CCDC171: variants seen among roughly 807,000 people sequenced by gnomAD.
CCDC171 encodes the protein coiled-coil domain-containing protein 171.
A neutral mutation model predicts 168.2 loss-of-function variants in CCDC171; 177 were observed. That is an observed-to-expected ratio of 1.05 (90% CI 0.93 to 1.19). The LOEUF is 1.19. Ranked by LOEUF, CCDC171 falls within the 50% of genes most tolerant of loss-of-function variation. The pLI, the probability that CCDC171 is intolerant of heterozygous loss-of-function variation, is 0.00. For synonymous variants in CCDC171, 687 were observed against 540.8 expected, an observed-to-expected ratio of 1.27 and a Z score of -3.75; for missense variants, 1,991 against 1,539.0, an observed-to-expected ratio of 1.29 and a Z score of -4.91.
At chr9:15,730,141 G>A (rs941534806) in intron 16 of CCDC171, among the ~76,000 whole-genome samples, 24 of 151,858 alleles carry the variant, frequency 1.6e-4, no homozygotes, top group African/African-American at 5.8e-4. Context: ...CAGTTTTAGT[G>A]TAGGTATTCC....
chr9:15,935,299 G>A (rs1826985794), intron 25 of CCDC171, among the ~76,000 whole-genome samples: 1 of 151,986 alleles, frequency 6.6e-6, no homozygotes, highest in Non-Finnish European at 1.5e-5. Flanking sequence ...GGAAATTTGA[G>A]TTCTAGAGCA....
Position 15,634,522 on chromosome 9 carries a change from T to C in CCDC171, c.822+11109T>C, listed in dbSNP as rs189573248. On this transcript the variant is annotated intron_variant, in intron 7 of 25. Transcript: ENST00000380701. ...TCTGTGTTCAGCTTCTGGTTCAGAT[T>C]TATATTCTTCAGATAATAAACCTTT... 2.9e-3 allele frequency among the ~76,000 whole-genome samples: 441 copies of C among 152,314 alleles called. 2 individuals carry two copies. The highest frequency in any genetic ancestry group is 4.5e-3 in the Non-Finnish European group (308 of 68,038).
chr9:15,769,999 C>G lies in CCDC171; in HGVS notation c.2672-7601C>G, dbSNP rs930077612. 7.3e-4 allele frequency among the ~76,000 whole-genome samples: 111 copies of G among 152,084 alleles called. 1 individual carries two copies. The highest frequency in any genetic ancestry group is 2.4e-3 in the African/African-American group (100 of 41,416). On this transcript the variant is annotated intron_variant, in intron 18 of 25. Transcript: ENST00000380701. ...ATATGTTGACCTAGCCAAAGATGAA[C>G]TCATTGACTTTAGGACAAAAAAACT...
the CCDC171 span, among the ~76,000 whole-genome samples, chr9:16,108,003 A>G: frequency 3.7e-3 from 557 of 152,384 alleles, 2 homozygotes; most frequent in South Asian, 8.1e-3. Context: ...ACTACGCATA[A>G]TAAAAAAATA....
At chr9:15,897,425 G>A (rs183416250) in intron 24 of CCDC171, among the ~76,000 whole-genome samples, 1 of 152,000 alleles carries the variant, frequency 6.6e-6, no homozygotes, top group East Asian at 1.9e-4. Flanking sequence ...ATGGAAGTGT[G>A]GAAGTTATAT....
chr9:15,613,890 C>A (rs1186935591), intron 6 of CCDC171, among the ~76,000 whole-genome samples: 1 of 152,152 alleles, frequency 6.6e-6, no homozygotes, highest in Non-Finnish European at 1.5e-5. Flanking sequence ...TGTGACTTTT[C>A]TGTCTAAATC....
chr9:16,050,865 A>T (rs940991528), intron 1 of CCDC171, among the ~76,000 whole-genome samples: 1 of 152,230 alleles, frequency 6.6e-6, no homozygotes, highest in African/African-American at 2.4e-5. Context: ...TTGTCCTTCC[A>T]GGTATATCCG....
chr9:15,706,565 G>GT (rs1459493452), intron 11 of CCDC171, among the ~76,000 whole-genome samples: 17 of 152,248 alleles, frequency 1.1e-4, no homozygotes, highest in African/African-American at 4.1e-4. Flanking sequence ...TGCGATTATA[G>GT]GTGTAAGCTA....
chr9:15,844,321 T>C (rs960415073), intron 21 of CCDC171, among the ~76,000 whole-genome samples: 75 of 152,146 alleles, frequency 4.9e-4, no homozygotes, highest in African/African-American at 1.7e-3. Context: ...GATGTGTATA[T>C]GTATGTAAAT....
chr9:15,554,153 G>A (rs1299646876), intron 1 of CCDC171, among the ~76,000 whole-genome samples: 3 of 151,896 alleles, frequency 2.0e-5, no homozygotes, highest in Non-Finnish European at 4.4e-5. Flanking sequence ...CCCAGCAGCC[G>A]GGACAACCGG....
chr9:15,628,781 C>G (rs979654460), intron 7 of CCDC171, among the ~76,000 whole-genome samples: 1 of 152,160 alleles, frequency 6.6e-6, no homozygotes, highest in Non-Finnish European at 1.5e-5. Flanking sequence ...AGGCACCCCC[C>G]AGTAGAGGCA....
intron 6 of CCDC171, among the ~76,000 whole-genome samples, chr9:16,027,308 G>C (rs1366292247): frequency 1.3e-5 from 2 of 151,928 alleles, no homozygotes; most frequent in Non-Finnish European, 2.9e-5. Context: ...CCCTTTTCTA[G>C]TAAAAGAGAG....
At chr9:15,851,621 C>G (rs2061132560) in intron 23 of CCDC171, among the ~76,000 whole-genome samples, 1 of 151,812 alleles carries the variant, frequency 6.6e-6, no homozygotes, top group South Asian at 2.1e-4. Context: ...ACCAGTTTAA[C>G]CATTTTAAAG....
At chr9:15,981,721 CT>C (rs1831802667) in intron 3 of CCDC171, among the ~76,000 whole-genome samples, 1 of 152,076 alleles carries the variant, frequency 6.6e-6, no homozygotes, top group Non-Finnish European at 1.5e-5. Context: ...AATGTCTTAC[CT>C]TTTCTTTTCC....
intron 3 of CCDC171, among the ~76,000 whole-genome samples, chr9:16,007,360 A>T (rs1299684467): frequency 6.6e-6 from 1 of 152,118 alleles, no homozygotes; most frequent in African/African-American, 2.4e-5. Flanking sequence ...AGGTTGCAAA[A>T]GTTTTCTCCC....
At chr9:15,676,162 A>T (rs749753887) in intron 9 of CCDC171, among the ~76,000 whole-genome samples, 5 of 151,886 alleles carry the variant, frequency 3.3e-5, no homozygotes, top group Non-Finnish European at 7.4e-5. Context: ...CACTTGATCG[A>T]ATTGGCTATT....
At chr9:15,630,944 A>G (rs1046801862) in intron 7 of CCDC171, among the ~76,000 whole-genome samples, 34 of 152,294 alleles carry the variant, frequency 2.2e-4, no homozygotes, top group African/African-American at 7.2e-4. Context: ...CGAAATGAAG[A>G]CAGAAATAAA....
chr9:15,750,677 C>A (rs935615868), intron 18 of CCDC171, among the ~76,000 whole-genome samples: 1 of 152,172 alleles, frequency 6.6e-6, no homozygotes, highest in Non-Finnish European at 1.5e-5. Context: ...ACCACAAAAA[C>A]CACATGATTA....
intron 25 of CCDC171, among the ~76,000 whole-genome samples, chr9:15,967,496 C>T (rs1830916729): frequency 6.6e-6 from 1 of 152,186 alleles, no homozygotes; most frequent in Non-Finnish European, 1.5e-5. Flanking sequence ...GGTCTGTCTA[C>T]ATCCTCTCAA....
Sources: gnomAD v4.1 joint callset for allele counts (sites outside exome capture counted in the v4.1 genomes callset) on GRCh38, gnomAD v4.1.1 for gene constraint, MANE v1.5 for transcripts, NCBI Gene and HGNC (gene_info 2026-07-23, HGNC 2026-07-21) for gene names.